APTX: variants seen among roughly 807,000 people sequenced by gnomAD.
APTX encodes the protein aprataxin, also known as forkhead-associated domain histidine triad-like protein.
APTX carries 33 observed loss-of-function variants against 42.3 expected under a neutral mutation model. The ratio of observed to expected loss-of-function variants is 0.78; its 90% CI spans 0.59 to 1.04. The LOEUF (loss-of-function observed/expected upper bound fraction) is 1.04. Ranked by LOEUF, APTX falls within the 50% of genes least tolerant of loss-of-function variation. APTX has a pLI of 0.00. For missense variants in APTX, 421 were observed against 415.1 expected (o/e 1.01, Z -0.12); for synonymous variants, 130 against 146.7 (o/e 0.89, Z 0.82).
In APTX at chr9:32,986,052, A is replaced by C. The variant is rs777743152; in HGVS notation, c.484-22T>G. On this transcript the variant is annotated intron_variant, in intron 4 of 7. Coordinates refer to ENST00000379817, the MANE Select transcript of APTX (RefSeq NM_001195248.2). Reference sequence around the variant, plus strand: ...ATTCCTAAAAAAAAAACAAAAAAAAAAACAAAAAAAAAAAAAAACAAGCAA... The same window carrying C: ...ATTCCTAAAAAAAAAACAAAAAAAACAACAAAAAAAAAAAAAAACAAGCAA... 1.8e-5 allele frequency: 12 copies of C among 670,700 alleles called. No homozygotes were observed. The highest frequency in any genetic ancestry group is 1.1e-4 in the African/African-American group (4 of 37,990). The allele number at this position is 670,700 out of a possible 1,614,324, so 41.5% of individuals were successfully genotyped here. A position where few individuals can be genotyped will look rare whatever the true frequency, so the allele number is the denominator to read the frequency against.
rs573251644 is a variant in APTX at position 32,990,824 on chromosome 9, T to C, written c.-4-929A>G. On this transcript the variant is annotated intron_variant, in intron 1 of 7. Transcript: ENST00000379817. Reference sequence around the variant, plus strand: ...AGTGCTTAGGTGTCTTTATGTGTCATAGGTTTTCCTTCCCTGTCATGACAT... The same window carrying C: ...AGTGCTTAGGTGTCTTTATGTGTCACAGGTTTTCCTTCCCTGTCATGACAT... 3.9e-5 allele frequency among the ~76,000 whole-genome samples: 6 copies of C among 152,360 alleles called. No homozygotes were observed. The South Asian group carries it at 6.2e-4, about 16-fold the overall frequency.
intron 4 of APTX, 159 bp from the exon 5 acceptor site, chr9:32,986,189 C>A: frequency 1.3e-6 from 1 of 777,786 alleles, no homozygotes; most frequent in Non-Finnish European, 2.3e-6. Flanking sequence ...ATTCACTTGA[C>A]TCTGCTTCAC....
chr9:33,014,440 T>C (rs552630137), intron 1 of APTX, among the ~76,000 whole-genome samples: 74 of 152,360 alleles, frequency 4.9e-4, no homozygotes, highest in African/African-American at 1.7e-3. Context: ...AAATATTCCA[T>C]AGCTGTACCA....
chr9:32,999,980 A>C (rs1835881218), intron 1 of APTX, among the ~76,000 whole-genome samples: 1 of 152,152 alleles, frequency 6.6e-6, no homozygotes, highest in African/African-American at 2.4e-5. Flanking sequence ...ATAAAAATAA[A>C]AGGTAACAAA....
At chr9:33,004,728 C>T (rs1837008368), upstream of APTX, among the ~76,000 whole-genome samples, 1 of 150,246 alleles carries the variant, frequency 6.7e-6, no homozygotes, top group Non-Finnish European at 1.5e-5. Context: ...CACCTCGCGG[C>T]TTAAGGCGAT....
At chr9:33,011,465 T>G (rs1054066949) in intron 1 of APTX, among the ~76,000 whole-genome samples, 15 of 151,936 alleles carry the variant, frequency 9.9e-5, no homozygotes, top group Non-Finnish European at 1.5e-5. Context: ...TTTTTTATTT[T>G]TAGTAGAGAC....
intron 6 of APTX, among the ~76,000 whole-genome samples, chr9:32,984,020 TCA>T (rs1342852107): frequency 1.3e-5 from 2 of 152,214 alleles, no homozygotes; most frequent in Admixed American, 1.3e-4. Context: ...GTATATTATA[TCA>T]CAGTTTTTTA....
chr9:33,024,069 G>A (rs1385596389), intron 1 of APTX, among the ~76,000 whole-genome samples: 1 of 152,182 alleles, frequency 6.6e-6, no homozygotes, highest in Non-Finnish European at 1.5e-5. Context: ...GGTTAATATA[G>A]GAGGCTCTCC....
At chr9:32,999,653 C>G (rs1321096084) in intron 1 of APTX, among the ~76,000 whole-genome samples, 2 of 152,222 alleles carry the variant, frequency 1.3e-5, no homozygotes, top group African/African-American at 4.8e-5. Context: ...AAGCACATCT[C>G]ATGACCCTAA....
intron 6 of APTX, among the ~76,000 whole-genome samples, chr9:32,975,456 C>A (rs543754843): frequency 6.6e-6 from 1 of 152,288 alleles, no homozygotes; most frequent in East Asian, 1.9e-4. Context: ...AATCCCAGCA[C>A]TTTGGGAGGC....
chr9:32,984,936 C>A, intron 5 of APTX, 79 bp from the exon 6 acceptor site: 1 of 1,295,938 alleles, frequency 7.7e-7, no homozygotes, highest in South Asian at 1.2e-5. Flanking sequence ...TTCACTAAGT[C>A]ACTTAATTCC....
intron 1 of APTX, among the ~76,000 whole-genome samples, chr9:33,011,293 T>C (rs1032891175): frequency 2.0e-5 from 3 of 150,088 alleles, no homozygotes; most frequent in Admixed American, 1.3e-4. Flanking sequence ...ACCATATTTT[T>C]TTTTTTTGTT....
chr9:33,015,867 A>G (rs1837863804), intron 1 of APTX: 1 of 152,166 alleles, frequency 6.6e-6, no homozygotes, highest in Non-Finnish European at 1.5e-5. Context: ...TTTTTTTCTG[A>G]CAACAAGATT....
rs779192524 is a variant in APTX, at chr9:33,001,598, T to C, written c.-36A>G. The C allele has an allele frequency of 1.2e-6, 2 of 1,614,006 alleles. No individual in the cohort carries two copies. Among genetic ancestry groups the C allele is most frequent in the South Asian group, 2.2e-5 (2 of 91,062 alleles). ...AAGTCGGAGACGGACAAATTCACGT[T>C]ACTCATCTGTGCCTCACCGCTTCCG... On this transcript the variant is annotated 5_prime_UTR_variant, in exon 1 of 8. Coordinates refer to ENST00000379817, the MANE Select transcript of APTX (RefSeq NM_001195248.2).
At chr9:32,994,585 G>C (rs942586991) in intron 1 of APTX, among the ~76,000 whole-genome samples, 2 of 152,186 alleles carry the variant, frequency 1.3e-5, no homozygotes, top group Admixed American at 6.5e-5. Context: ...TCTGTGTCAA[G>C]CAAGTCTTTC....
intron 4 of APTX, among the ~76,000 whole-genome samples, chr9:32,986,508 C>CT (rs1031065670): frequency 6.2e-4 from 86 of 139,552 alleles, no homozygotes; most frequent in Middle Eastern, 3.9e-3. Context: ...TATATTCTTT[C>CT]TTTTTTTTTT....
chr9:32,978,507 G>A (rs575750422), intron 6 of APTX, among the ~76,000 whole-genome samples: 1 of 152,302 alleles, frequency 6.6e-6, no homozygotes, highest in African/African-American at 2.4e-5. Context: ...ACGGGAGCAG[G>A]AGAAGGTCAA....
chr9:32,986,087 C>T, intron 4 of APTX, 57 bp from the exon 5 acceptor site: 2 of 1,413,586 alleles, frequency 1.4e-6, no homozygotes, highest in South Asian at 1.3e-5. Context: ...ATGTAAATTA[C>T]AAATGCCAAT....
intron 7 of APTX, among the ~76,000 whole-genome samples, chr9:32,974,210 T>C (rs1405217620): frequency 6.6e-6 from 1 of 152,198 alleles, no homozygotes; most frequent in East Asian, 1.9e-4. Context: ...AGTCCCCTTT[T>C]GTCACAATAA....
Sources: gnomAD v4.1 joint callset for allele counts (sites outside exome capture counted in the v4.1 genomes callset) on GRCh38, gnomAD v4.1.1 for gene constraint, MANE v1.5 for transcripts, NCBI Gene and HGNC (gene_info 2026-07-23, HGNC 2026-07-21) for gene names.